The following SCHIP1 variants were observed in gnomAD, a reference collection of about 807,000 sequenced individuals.
SCHIP1 encodes the protein schwannomin-interacting protein 1.
Under a neutral mutation model 29.7 loss-of-function variants are expected in SCHIP1, and 8 were observed. The observed-to-expected ratio is 0.27, with a 90% confidence interval of 0.16 to 0.49. The LOEUF (loss-of-function observed/expected upper bound fraction) is 0.49. SCHIP1 is among the 20% of genes least tolerant of loss of function. The probability of loss-of-function intolerance (pLI) is 0.99; values close to 1 mark genes in which losing one functional copy is unlikely to be tolerated. For synonymous variants in SCHIP1, 76 were observed against 94.9 expected (o/e 0.80, Z 1.16); for missense variants, 193 against 294.6 (o/e 0.66, Z 2.52).
At chr3:159,803,033 C>T in the SCHIP1 span, among the ~76,000 whole-genome samples, 1 of 152,136 alleles carries the variant, frequency 6.6e-6, no homozygotes, top group Non-Finnish European at 1.5e-5. Context: ...AAGGACACTT[C>T]CCAGAAGTCA....
chr3:159,888,924 T>A, exon 5 of SCHIP1: 1 of 1,614,032 alleles, frequency 6.2e-7, no homozygotes, highest in South Asian at 1.1e-5. Flanking sequence ...TAGTCAATGA[T>A]CTCCATTCCC....
At chr3:159,780,026 C>T in the SCHIP1 span, among the ~76,000 whole-genome samples, 1 of 152,150 alleles carries the variant, frequency 6.6e-6, no homozygotes, top group African/African-American at 2.4e-5. Flanking sequence ...CTAAGAGCTC[C>T]CAGCTTCCGT....
At chr3:159,646,613 C>A in the SCHIP1 span, among the ~76,000 whole-genome samples, 5 of 152,152 alleles carry the variant, frequency 3.3e-5, no homozygotes, top group Non-Finnish European at 5.9e-5. Flanking sequence ...TAACTTCAAA[C>A]TCCATCTTGG....
chr3:159,747,648 G>A, the SCHIP1 span, among the ~76,000 whole-genome samples: 6 of 151,972 alleles, frequency 3.9e-5, no homozygotes, highest in Admixed American at 6.5e-5. Context: ...CTTTTCATGG[G>A]TATGACCACG....
the SCHIP1 span, among the ~76,000 whole-genome samples, chr3:159,630,079 G>A: frequency 2.0e-5 from 3 of 152,106 alleles, no homozygotes; most frequent in Non-Finnish European, 2.9e-5. Context: ...AGCCCCAGAA[G>A]CATGAAAGAG....
At chr3:159,373,784 T>C in the SCHIP1 span, among the ~76,000 whole-genome samples, 2 of 152,158 alleles carry the variant, frequency 1.3e-5, no homozygotes, top group Non-Finnish European at 2.9e-5. Flanking sequence ...TATATATATG[T>C]ATATACACAC....
At chr3:159,509,605 C>T in the SCHIP1 span, among the ~76,000 whole-genome samples, 9 of 152,174 alleles carry the variant, frequency 5.9e-5, no homozygotes, top group Non-Finnish European at 1.0e-4. Flanking sequence ...GTGGCTGGTA[C>T]TGGTTGTTCC....
the SCHIP1 span, among the ~76,000 whole-genome samples, chr3:159,626,593 A>G: frequency 6.6e-6 from 1 of 152,164 alleles, no homozygotes; most frequent in Non-Finnish European, 1.5e-5. Flanking sequence ...AGGTTAAAAA[A>G]TTTATCCACC....
chr3:159,335,840 G>A, the SCHIP1 span, among the ~76,000 whole-genome samples: 5 of 152,130 alleles, frequency 3.3e-5, no homozygotes, highest in African/African-American at 4.8e-5. Context: ...ATGATTTATA[G>A]TCCTTTGGAT....
At chr3:159,772,190 G>A in the SCHIP1 span, among the ~76,000 whole-genome samples, 21 of 151,900 alleles carry the variant, frequency 1.4e-4, no homozygotes, top group Non-Finnish European at 2.1e-4. Flanking sequence ...TCGCTCTGTC[G>A]CCCAGGCTGC....
chr3:159,444,145 T>C, the SCHIP1 span, among the ~76,000 whole-genome samples: 2 of 152,082 alleles, frequency 1.3e-5, no homozygotes, highest in East Asian at 1.9e-4. Flanking sequence ...TGTACATCAC[T>C]GAGCAGCACA....
At chr3:159,340,729 T>C in the SCHIP1 span, among the ~76,000 whole-genome samples, 7 of 152,204 alleles carry the variant, frequency 4.6e-5, no homozygotes, top group Non-Finnish European at 1.0e-4. Flanking sequence ...TTCTATTGAC[T>C]GTTTCCTCTC....
the SCHIP1 span, among the ~76,000 whole-genome samples, chr3:159,516,842 C>G: frequency 6.6e-6 from 1 of 152,170 alleles, no homozygotes; most frequent in African/African-American, 2.4e-5. Flanking sequence ...AAAGCCCTCA[C>G]CCCTGCCTTT....
the SCHIP1 span, among the ~76,000 whole-genome samples, chr3:159,560,638 T>C: frequency 2.6e-5 from 4 of 152,202 alleles, no homozygotes; most frequent in African/African-American, 4.8e-5. Flanking sequence ...ATTCCCATCA[T>C]TGGACTTGCC....
At chr3:159,560,536 C>A in the SCHIP1 span, among the ~76,000 whole-genome samples, 1 of 152,164 alleles carries the variant, frequency 6.6e-6, no homozygotes, top group Non-Finnish European at 1.5e-5. Flanking sequence ...TCCTCCTTAT[C>A]CCACTGAGTT....
At chr3:159,452,950 A>G in the SCHIP1 span, among the ~76,000 whole-genome samples, 1 of 152,230 alleles carries the variant, frequency 6.6e-6, no homozygotes, top group Non-Finnish European at 1.5e-5. Context: ...TCAGCCTAGA[A>G]AACCAAATTT....
At chr3:159,451,353 A>G in the SCHIP1 span, among the ~76,000 whole-genome samples, 2 of 152,252 alleles carry the variant, frequency 1.3e-5, no homozygotes, top group Non-Finnish European at 2.9e-5. Flanking sequence ...TTTTCAAAAT[A>G]AAAGGGAGAG....
At chr3:159,603,697 C>T in the SCHIP1 span, among the ~76,000 whole-genome samples, 1 of 152,154 alleles carries the variant, frequency 6.6e-6, no homozygotes, top group Non-Finnish European at 1.5e-5. Flanking sequence ...CTATCCAATA[C>T]CTATAGTCTT....
the SCHIP1 span, among the ~76,000 whole-genome samples, chr3:159,685,985 C>T: frequency 4.6e-5 from 7 of 152,170 alleles, no homozygotes; most frequent in African/African-American, 1.7e-4. Flanking sequence ...AGGGCATCTG[C>T]CTATTTGGAC....
Sources: allele counts gnomAD v4.1 joint callset (sites outside exome capture counted in the v4.1 genomes callset), GRCh38; gene constraint gnomAD v4.1.1; transcripts MANE v1.5; gene names NCBI Gene and HGNC (gene_info 2026-07-23, HGNC 2026-07-21).